Variants in GFPT1 observed in about 807,000 individuals in gnomAD.
GFPT1 encodes glutamine--fructose-6-phosphate aminotransferase [isomerizing] 1.
A neutral mutation model predicts 92.0 loss-of-function variants in GFPT1; 40 were observed. The ratio of observed to expected loss-of-function variants is 0.43; its 90% CI spans 0.34 to 0.57. GFPT1 has a LOEUF of 0.57. Among genes scored for constraint, GFPT1 ranks in the 20% least tolerant of loss-of-function variants. The pLI is 0.02. For missense variants in GFPT1, 448 were observed against 869.1 expected (o/e 0.52, Z 6.09); for synonymous variants, 269 against 280.6 (o/e 0.96, Z 0.41).
At position 69,332,160 on chromosome 2, in the gene GFPT1, C is replaced by T. The variant is rs533432826; in HGVS notation, c.1483-2362G>A. 3.9e-5 allele frequency among the ~76,000 whole-genome samples: 6 copies of T among 152,150 alleles called. No homozygotes were observed. In the East Asian group the frequency reaches 1.2e-3, roughly 29 times the overall value. On this transcript the variant is annotated intron_variant, in intron 15 of 19. Coordinates refer to ENST00000357308, the MANE Select transcript of GFPT1 (RefSeq NM_001244710.2). ...TAACCCAAGATATGTCATTTCTTTA[C>T]AAAACAATCTTTCCATTTAAAAATA... is the stretch of plus-strand genomic sequence containing the variant.
chr2:69,331,533 T>C (rs1303821579), intron 15 of GFPT1, among the ~76,000 whole-genome samples: 3 of 152,144 alleles, frequency 2.0e-5, no homozygotes, highest in Non-Finnish European at 4.4e-5. Context: ...TATGTTACCA[T>C]TTTTCTGGAT....
rs773027738 is a variant in GFPT1, at chr2:69,348,190, T to C, written c.990A>G (p.Glu330=). ...TTTCACCCTTCATGATCTGCTGGAG[T>C]TCCATCTGGAGTGTTTGCACAGCTC... ...PGRAVQTLQM[E]LQQIMKGNFS... Residue 330 remains glutamate, a synonymous_variant, in exon 11 of 20, where the codon GAA becomes GAG. Transcript: ENST00000357308. 4 of 1,613,824 alleles carry C rather than the reference T, an allele frequency of 2.5e-6. No individual in the cohort carries two copies. The South Asian group carries it at 4.4e-5, about 18-fold the overall frequency.
At chr2:69,356,435 A>C in intron 7 of GFPT1, 61 bp downstream of exon 7, 1 of 1,158,236 alleles carries the variant, frequency 8.6e-7, no homozygotes, top group Non-Finnish European at 1.3e-6. Flanking sequence ...TAGTCTACGA[A>C]GAATAAACAT....
At chr2:69,329,607 G>A in intron 16 of GFPT1, 77 bp downstream of exon 16, 1 of 1,069,678 alleles carries the variant, frequency 9.3e-7, no homozygotes, top group Non-Finnish European at 1.5e-6. Flanking sequence ...ACAAGCCACA[G>A]CTTCAAGGAT....
chr2:69,386,588 GTC>G (rs1234678443), intron 1 of GFPT1, among the ~76,000 whole-genome samples: 1 of 152,176 alleles, frequency 6.6e-6, no homozygotes, highest in African/African-American at 2.4e-5. Flanking sequence ...TCTAGCTAGG[GTC>G]TGTTTTCTAT....
chr2:69,326,929 C>A lies in GFPT1; in HGVS notation c.2040G>T (p.Val680=). ...GATGACTTACATCATAGCCTCTCAG[C>A]ACAGCAAGGTGGAAAGCCAGCAACT... The part of the protein sequence containing the change: ...PLQLLAFHLA[V]LRGYDVDFPR... The change falls in exon 19 of 20, where the codon GTG becomes GTT. Residue 680 remains valine (V), a synonymous_variant. Coordinates refer to ENST00000357308, the MANE Select transcript of GFPT1 (RefSeq NM_001244710.2). 2 of 1,614,214 alleles carry A rather than the reference C, an allele frequency of 1.2e-6. No homozygotes were observed. The highest frequency in any genetic ancestry group is 1.7e-6 in the Non-Finnish European group (2 of 1,180,018).
intron 4 of GFPT1, among the ~76,000 whole-genome samples, chr2:69,360,803 C>T (rs973861539): frequency 2.6e-5 from 4 of 152,084 alleles, no homozygotes; most frequent in Non-Finnish European, 4.4e-5. Flanking sequence ...GGCACGATCT[C>T]GGCTCACTGC....
At position 69,363,011 on chromosome 2, in the gene GFPT1, C is replaced by T. The variant is rs184874266; in HGVS notation, c.349+534G>A. Among the ~76,000 whole-genome samples the T allele has an allele frequency of 2.0e-3, 310 of 151,612 alleles. 2 individuals are homozygous for T. Among genetic ancestry groups the T allele is most frequent in the Middle Eastern group, 0.01 (3 of 294 alleles). ...CTATAATCCCAGCACTTTGGGAGGC[C>T]GAGACGGGAGGATCACTTGAGGTCA... On this transcript the variant is annotated intron_variant, in intron 4 of 19. Coordinates refer to ENST00000357308, the MANE Select transcript of GFPT1 (RefSeq NM_001244710.2).
At chr2:69,342,684 T>C (rs1298266239) in intron 12 of GFPT1, among the ~76,000 whole-genome samples, 3 of 152,180 alleles carry the variant, frequency 2.0e-5, no homozygotes, top group Admixed American at 1.3e-4. Flanking sequence ...CTTGACTTTG[T>C]AGAGGTTATG....
chr2:69,366,140 A>G (rs779224808), intron 3 of GFPT1, among the ~76,000 whole-genome samples: 1 of 146,670 alleles, frequency 6.8e-6, no homozygotes, highest in Non-Finnish European at 1.5e-5. Flanking sequence ...TAAGCTAACT[A>G]TAATTAAAGC....
At chr2:69,329,481 T>A (rs1053392965) in intron 16 of GFPT1, 57 bp from the exon 17 acceptor site, 49 of 1,333,108 alleles carry the variant, frequency 3.7e-5, no homozygotes, top group Middle Eastern at 1.8e-4. Flanking sequence ...AATAACAATA[T>A]ATTGGCAGCA....
intron 1 of GFPT1, among the ~76,000 whole-genome samples, chr2:69,385,982 A>C (rs1672119137): frequency 6.6e-6 from 1 of 151,798 alleles, no homozygotes; most frequent in African/African-American, 2.4e-5. Flanking sequence ...GCAAATAAGA[A>C]GTCTCCCAGA....
At chr2:69,364,540 C>T (rs140640984) in intron 3 of GFPT1, among the ~76,000 whole-genome samples, 2 of 152,238 alleles carry the variant, frequency 1.3e-5, no homozygotes, top group Admixed American at 6.5e-5. Context: ...AACCTTATGA[C>T]TGCAATTTCT....
rs1027313986 is a variant in GFPT1, at chr2:69,344,217, C to T, written c.1105+1687G>A. 2.9e-5 allele frequency among the ~76,000 whole-genome samples: 4 copies of T among 136,728 alleles called. No homozygotes were observed. The South Asian group carries it at 7.0e-4, about 24-fold the overall frequency. The allele number at this position is 136,728 out of a possible 152,430, so 89.7% of individuals were successfully genotyped here. On this transcript the variant is annotated intron_variant, in intron 12 of 19. Coordinates refer to ENST00000357308, the MANE Select transcript of GFPT1 (RefSeq NM_001244710.2). ...AAAAAAAAAAAAAAAAAAGGCAGAC[C>T]AACTACCAGAAAGACCTGTATTGCA...
rs1415900368 is a variant in GFPT1 at position 69,322,969 on chromosome 2, C to A, written c.*3220G>T. The A allele has an allele frequency of 6.6e-6, 1 of 152,202 alleles. No individual in the cohort carries two copies. Among genetic ancestry groups the A allele is most frequent in the Non-Finnish European group, 1.5e-5 (1 of 68,044 alleles). The allele number at this position is 152,202 out of a possible 1,614,324, so 9.4% of individuals were successfully genotyped here. A position where few individuals can be genotyped will look rare whatever the true frequency, so the allele number is the denominator to read the frequency against. On this transcript the variant is annotated 3_prime_UTR_variant, in exon 20 of 20. Coordinates refer to ENST00000357308, the MANE Select transcript of GFPT1 (RefSeq NM_001244710.2). ...TAGTCTTTGCTAGTGATGAGTCCAT[C>A]TGGGGACAAATACTGCTTTAAAGAT...
At chr2:69,371,761 C>A (rs1671755419) in intron 2 of GFPT1, among the ~76,000 whole-genome samples, 1 of 151,486 alleles carries the variant, frequency 6.6e-6, no homozygotes, top group Admixed American at 6.6e-5. Context: ...GGCGTGAACC[C>A]GGGAGGTGGA....
chr2:69,328,718 T>TTTA (rs1558727084), intron 17 of GFPT1, among the ~76,000 whole-genome samples: 1 of 151,370 alleles, frequency 6.6e-6, no homozygotes, highest in Non-Finnish European at 1.5e-5. Flanking sequence ...TTTTTTTTTT[T>TTTA]AAGACAGAGT....
intron 1 of GFPT1, among the ~76,000 whole-genome samples, chr2:69,374,443 A>G (rs1275701273): frequency 6.6e-6 from 1 of 151,864 alleles, no homozygotes; most frequent in Non-Finnish European, 1.5e-5. Flanking sequence ...CCTCCCGAGT[A>G]GCTGGGACTA....
At chr2:69,341,379 G>A (rs1209856002) in intron 13 of GFPT1, among the ~76,000 whole-genome samples, 1 of 152,164 alleles carries the variant, frequency 6.6e-6, no homozygotes, top group Non-Finnish European at 1.5e-5. Flanking sequence ...AAAGCTTGTT[G>A]AGATGCAAGG....
Sources: allele counts gnomAD v4.1 joint callset (sites outside exome capture counted in the v4.1 genomes callset), GRCh38; gene constraint gnomAD v4.1.1; transcripts MANE v1.5; gene names NCBI Gene and HGNC (gene_info 2026-07-23, HGNC 2026-07-21).